The following FAM167A variants were observed in gnomAD, a reference collection of about 807,000 sequenced individuals.
FAM167A encodes family with sequence similarity 167 member A.
A neutral mutation model predicts 14.9 loss-of-function variants in FAM167A; 23 were observed. That is an observed-to-expected ratio of 1.55 (90% confidence interval 1.11 to 2.19). The LOEUF (loss-of-function observed/expected upper bound fraction) is 2.19. FAM167A is among the 30% of genes most tolerant of loss of function. The pLI, the probability that FAM167A is intolerant of heterozygous loss-of-function variation, is 0.00. For synonymous variants in FAM167A, 174 were observed against 117.7 expected (o/e 1.48, Z -3.10); for missense variants, 401 against 281.5 (o/e 1.42, Z -3.04).
intron 1 of FAM167A, among the ~76,000 whole-genome samples, chr8:11,473,703 C>G (rs1391105681): frequency 6.6e-6 from 1 of 152,132 alleles, no homozygotes; most frequent in Non-Finnish European, 1.5e-5. Flanking sequence ...ATCCCTTAGT[C>G]TCTTGAGCTT....
At position 11,423,903 on chromosome 8, in the gene FAM167A, G is replaced by C; in HGVS notation, c.*470C>G. 1 of 171,574 alleles carries C rather than the reference G, an allele frequency of 5.8e-6. No individual in the cohort carries two copies. The highest frequency in any genetic ancestry group is 1.3e-5 in the Non-Finnish European group (1 of 78,470). The allele number at this position is 171,574 out of a possible 1,614,324, so 10.6% of individuals were successfully genotyped here. ...TGAGTCATGTACTTAGGGTGAATTTGAGACAATACTTAGAGGACAGCAACA... is the reference window on the plus strand; with the variant it reads ...TGAGTCATGTACTTAGGGTGAATTTCAGACAATACTTAGAGGACAGCAACA... On this transcript the variant is annotated 3_prime_UTR_variant, in exon 3 of 3. Transcript: ENST00000284486.
chr8:11,453,866 C>A (rs1462497727), intron 1 of FAM167A, among the ~76,000 whole-genome samples: 1 of 152,216 alleles, frequency 6.6e-6, no homozygotes, highest in African/African-American at 2.4e-5. Context: ...CTTACCCCAT[C>A]ATGCAGCAAA....
upstream of FAM167A, among the ~76,000 whole-genome samples, chr8:11,471,067 T>C (rs1807946914): frequency 6.6e-6 from 1 of 152,092 alleles, no homozygotes; most frequent in African/African-American, 2.4e-5. Flanking sequence ...GGTAGGAAGA[T>C]AATTAACAGA....
upstream of FAM167A, among the ~76,000 whole-genome samples, chr8:11,471,206 C>T (rs10088521): frequency 0.011 from 1,624 of 152,314 alleles, 19 homozygotes; most frequent in African/African-American, 0.03. Context: ...GCAGAGGGAA[C>T]TGCATCTGGA....
In FAM167A at chr8:11,433,681, TTG is replaced by T. The variant is rs747054540; in HGVS notation, c.382-9047_382-9046del. On this transcript the variant is annotated intron_variant, in intron 2 of 2. Transcript: ENST00000284486. ...GAATGCCAAGGTGGTGAAGGGCATTTTGTCTGGTCCCTTAAAGTCAGGCTCTT... is the reference window on the plus strand; with the variant it reads ...GAATGCCAAGGTGGTGAAGGGCATTTTCTGGTCCCTTAAAGTCAGGCTCTT... Among the ~76,000 whole-genome samples, 14 of 152,240 alleles carry T rather than the reference TTG, an allele frequency of 9.2e-5. No homozygotes were observed. In the East Asian group the frequency reaches 2.7e-3, roughly 29 times the overall value.
chr8:11,444,137 G>C lies in FAM167A; in HGVS notation c.275C>G (p.Pro92Arg). Residue 92 changes from proline (P) to arginine (R), a missense_variant, in exon 2 of 3, where the codon CCC becomes CGC. Physicochemically the swap from Pro to Arg is moderately radical, Grantham distance 103. Coordinates refer to ENST00000284486, the MANE Select transcript of FAM167A (RefSeq NM_053279.3). Reference protein sequence around the residue: ...LLPLREAGQHPPSARSASQGA... With the variant: ...LLPLREAGQHRPSARSASQGA... ...TTGGCTGGCACTCCTGGCAGAAGGG[G>C]GGTGCTGCCCAGCCTCTCTCAGGGG... 1 of 1,613,232 alleles carries C rather than the reference G, an allele frequency of 6.2e-7. No homozygotes were observed. The highest frequency in any genetic ancestry group is 8.5e-7 in the Non-Finnish European group (1 of 1,179,976).
chr8:11,436,835 C>T (rs565298644), intron 2 of FAM167A, among the ~76,000 whole-genome samples: 1 of 152,106 alleles, frequency 6.6e-6, no homozygotes, highest in Non-Finnish European at 1.5e-5. Context: ...TGATGCTGAG[C>T]GAGAACCAGC....
At chr8:11,446,812 C>A (rs11777505) in intron 1 of FAM167A, among the ~76,000 whole-genome samples, 47,525 of 151,984 alleles carry the variant, frequency 0.31, 8,061 homozygotes, top group East Asian at 0.66. Flanking sequence ...CTTTCTGGGG[C>A]CCCTCCCAGG....
At chr8:11,438,670 G>A (rs1440556517) in intron 2 of FAM167A, 5 of 382,510 alleles carry the variant, frequency 1.3e-5, no homozygotes, top group Non-Finnish European at 2.5e-5. Context: ...TTCCTTTCCT[G>A]GTTCTTTTGT....
intron 1 of FAM167A, among the ~76,000 whole-genome samples, chr8:11,459,843 G>A (rs1807468362): frequency 6.6e-6 from 1 of 152,198 alleles, no homozygotes; most frequent in African/African-American, 2.4e-5. Context: ...AGCCTCCTGA[G>A]TAGCTGGGAT....
At chr8:11,450,657 A>G (rs1373452273) in intron 1 of FAM167A, among the ~76,000 whole-genome samples, 1 of 152,236 alleles carries the variant, frequency 6.6e-6, no homozygotes, top group African/African-American at 2.4e-5. Flanking sequence ...TGGACCCTCC[A>G]GTACTTAGCA....
chr8:11,452,177 T>C (rs926257812), intron 1 of FAM167A, among the ~76,000 whole-genome samples: 9 of 152,228 alleles, frequency 5.9e-5, no homozygotes, highest in African/African-American at 2.2e-4. Flanking sequence ...GAAATCTTAC[T>C]GAGTCTGTCC....
chr8:11,441,794 G>A (rs1806455551), intron 2 of FAM167A, among the ~76,000 whole-genome samples: 1 of 152,198 alleles, frequency 6.6e-6, no homozygotes, highest in South Asian at 2.1e-4. Context: ...GAATGAGGCT[G>A]CAACTCATTC....
chr8:11,444,041 C>A lies in FAM167A; in HGVS notation c.371G>T (p.Arg124Met), dbSNP rs201876573. 4.3e-5 allele frequency: 69 copies of A among 1,611,938 alleles called. No individual in the cohort carries two copies. Among genetic ancestry groups the A allele is most frequent in the Non-Finnish European group, 5.5e-5 (65 of 1,179,110 alleles). Reference protein sequence around the residue: ...QSIDEAIAWLRKELTEMRLQD... With the variant: ...QSIDEAIAWLMKELTEMRLQD... ...GGGGCAGCCACTCACCAGTTCCTTC[C>A]TGAGCCAGGCTATAGCTTCATCGAT... The change falls in exon 2 of 3, where the codon AGG (arginine) becomes ATG (methionine). Residue 124 changes from arginine to methionine, a missense_variant. Physicochemically the swap from Arg to Met is moderately conservative, Grantham distance 91 (BLOSUM62 -1). Coordinates refer to ENST00000284486, the MANE Select transcript of FAM167A (RefSeq NM_053279.3).
At chr8:11,446,274 T>C (rs1486491304) in intron 1 of FAM167A, 1 of 152,172 alleles carries the variant, frequency 6.6e-6, no homozygotes, top group African/African-American at 2.4e-5. Flanking sequence ...GGTGGGGATG[T>C]GAATGGAGGA....
chr8:11,448,776 C>A (rs1191032178), intron 1 of FAM167A, among the ~76,000 whole-genome samples: 4 of 152,250 alleles, frequency 2.6e-5, no homozygotes, highest in African/African-American at 9.6e-5. Flanking sequence ...GAGACTCCAC[C>A]CTGTGCTCTC....
chr8:11,433,173 C>G (rs112710642), intron 2 of FAM167A, among the ~76,000 whole-genome samples: 18,805 of 151,820 alleles, frequency 0.12, 1,543 homozygotes, highest in Non-Finnish European at 0.19. Flanking sequence ...TCTGCACATT[C>G]TGCACATGTA....
chr8:11,432,638 T>G (rs901718752), intron 2 of FAM167A, among the ~76,000 whole-genome samples: 4 of 152,162 alleles, frequency 2.6e-5, no homozygotes, highest in Admixed American at 2.0e-4. Context: ...GTTCAACCAT[T>G]GTGGAAGACA....
chr8:11,436,495 G>C (rs1806025022), intron 2 of FAM167A, among the ~76,000 whole-genome samples: 1 of 152,188 alleles, frequency 6.6e-6, no homozygotes, highest in African/African-American at 2.4e-5. Flanking sequence ...ATGCTGCTGG[G>C]GGTCTCTGGG....
Sources: allele counts gnomAD v4.1 joint callset (sites outside exome capture counted in the v4.1 genomes callset), GRCh38; gene constraint gnomAD v4.1.1; transcripts MANE v1.5; gene names NCBI Gene and HGNC (gene_info 2026-07-23, HGNC 2026-07-21).